Variants in ETV5 observed in about 807,000 individuals in gnomAD.
ETV5 encodes the protein ETS translocation variant 5.
ETV5 carries 10 observed loss-of-function variants against 70.0 expected under a neutral mutation model. That is an observed-to-expected ratio of 0.14 (90% confidence interval 0.09 to 0.24). The LOEUF (loss-of-function observed/expected upper bound fraction) is 0.24, where lower values mean the gene tolerates loss of function less well. ETV5 is among the 10% of genes least tolerant of loss of function. ETV5 has a pLI of 1.00. For missense variants in ETV5, 453 were observed against 651.2 expected, an observed-to-expected ratio of 0.70 and a Z score of 3.31; for synonymous variants, 216 against 242.2, an observed-to-expected ratio of 0.89 and a Z score of 1.01.
intron 11 of ETV5, among the ~76,000 whole-genome samples, chr3:186,053,456 A>G (rs1347181437): frequency 1.3e-5 from 2 of 152,256 alleles, no homozygotes; most frequent in Non-Finnish European, 1.5e-5. Context: ...CAGAGAGAAA[A>G]CAGCATTTCA....
At chr3:186,050,971 T>A (rs763650943) in intron 12 of ETV5, among the ~76,000 whole-genome samples, 1 of 152,244 alleles carries the variant, frequency 6.6e-6, no homozygotes, top group African/African-American at 2.4e-5. Flanking sequence ...TGTACATGCA[T>A]GTAACATGTA....
intron 12 of ETV5, among the ~76,000 whole-genome samples, chr3:186,049,173 TCCAAAAAGGTTTAAGGACTGA>T (rs1306971520): frequency 6.6e-6 from 1 of 152,196 alleles, no homozygotes; most frequent in Non-Finnish European, 1.5e-5. Flanking sequence ...AGTCTGGTGT[TCCAAAAAGGTTTAAGGACTGA>T]CAGGTGCAAG....
chr3:186,102,888 T>TC (rs1714494505), intron 5 of ETV5, among the ~76,000 whole-genome samples: 1 of 152,188 alleles, frequency 6.6e-6, no homozygotes, highest in Non-Finnish European at 1.5e-5. Context: ...TGCCAGCTCC[T>TC]CCTCATGCTT....
chr3:186,067,841 A>G (rs1713489426), intron 7 of ETV5, among the ~76,000 whole-genome samples: 1 of 152,210 alleles, frequency 6.6e-6, no homozygotes, highest in Non-Finnish European at 1.5e-5. Flanking sequence ...AAACACCAGA[A>G]ACAAAACCAA....
chr3:186,046,491 A>G lies in ETV5; in HGVS notation c.*2148T>C. The G allele has an allele frequency of 4.3e-6, 1 of 231,346 alleles. No homozygotes were observed. Among genetic ancestry groups the G allele is most frequent in the Non-Finnish European group, 8.6e-6 (1 of 116,850 alleles). 14.3% of individuals were successfully genotyped at this position (231,346 alleles called of 1,614,324 possible). On this transcript the variant is annotated 3_prime_UTR_variant, in exon 13 of 13. Coordinates refer to ENST00000306376, the MANE Select transcript of ETV5 (RefSeq NM_004454.3). ...AAAAGAAGCAAACAAACAAACCCCA[A>G]AGAACCCCCGAAAAAAACAAAAACC...
intron 12 of ETV5, among the ~76,000 whole-genome samples, chr3:186,049,353 C>CT (rs1712966147): frequency 6.6e-6 from 1 of 152,210 alleles, no homozygotes; most frequent in South Asian, 2.1e-4. Flanking sequence ...TTGCTTTTGG[C>CT]TTACCTGCAG....
At chr3:186,077,022 G>A (rs556334638) in intron 7 of ETV5, among the ~76,000 whole-genome samples, 5 of 152,290 alleles carry the variant, frequency 3.3e-5, no homozygotes, top group Admixed American at 1.3e-4. Context: ...GTAATTACAC[G>A]TCATGGAAGT....
chr3:186,101,545 G>A (rs1436142527), intron 5 of ETV5, among the ~76,000 whole-genome samples: 1 of 152,098 alleles, frequency 6.6e-6, no homozygotes, highest in Admixed American at 6.5e-5. Flanking sequence ...AACTTTCTCA[G>A]GATCATAGAA....
At chr3:186,083,512 A>T (rs1713981620) in intron 5 of ETV5, among the ~76,000 whole-genome samples, 1 of 152,148 alleles carries the variant, frequency 6.6e-6, no homozygotes, top group Admixed American at 6.5e-5. Flanking sequence ...AACACTTTGT[A>T]TTTGTTTCAG....
intron 5 of ETV5, among the ~76,000 whole-genome samples, chr3:186,097,158 G>A (rs1714325054): frequency 6.6e-6 from 1 of 152,186 alleles, no homozygotes; most frequent in Non-Finnish European, 1.5e-5. Context: ...TTCCAAGGAT[G>A]TTCATTTTGG....
At chr3:186,097,783 A>G (rs1190308882) in intron 5 of ETV5, among the ~76,000 whole-genome samples, 2 of 152,198 alleles carry the variant, frequency 1.3e-5, no homozygotes, top group Non-Finnish European at 2.9e-5. Flanking sequence ...GCCAAAGGAA[A>G]CTAATTTTGG....
At chr3:186,081,264 T>A in intron 5 of ETV5, 89 bp from the exon 6 acceptor site, 1 of 1,323,504 alleles carries the variant, frequency 7.6e-7, no homozygotes, top group Non-Finnish European at 1.0e-6. Flanking sequence ...ACCTTCTAAC[T>A]AGCTGATTGT....
At chr3:186,060,310 A>ATAT (rs1447928084) in intron 9 of ETV5, among the ~76,000 whole-genome samples, 3 of 152,212 alleles carry the variant, frequency 2.0e-5, no homozygotes, top group Non-Finnish European at 2.9e-5. Context: ...AAGAAGTATC[A>ATAT]CTGCGGTGTA....
At chr3:186,092,622 C>T (rs1243054807) in intron 5 of ETV5, among the ~76,000 whole-genome samples, 4 of 151,332 alleles carry the variant, frequency 2.6e-5, no homozygotes, top group Admixed American at 6.6e-5. Flanking sequence ...TTTAAAGAGA[C>T]GGGGTCTCAC....
chr3:186,095,330 T>C (rs891499347), intron 5 of ETV5: 9 of 152,058 alleles, frequency 5.9e-5, no homozygotes, highest in Admixed American at 3.9e-4. Flanking sequence ...GGAAAAAAAA[T>C]TGCAAAACTA....
chr3:186,108,912 C>A (rs1355984960), intron 1 of ETV5, 28 bp downstream of exon 1: 2 of 165,440 alleles, frequency 1.2e-5, no homozygotes, highest in Admixed American at 6.3e-5. Context: ...CTTCCGATCT[C>A]CCCCCTGCCC....
At chr3:186,068,085 G>A (rs139286659) in intron 7 of ETV5, among the ~76,000 whole-genome samples, 32 of 152,322 alleles carry the variant, frequency 2.1e-4, no homozygotes, top group African/African-American at 7.5e-4. Context: ...TGGAAGATGA[G>A]CAGGCAGTTA....
intron 5 of ETV5, among the ~76,000 whole-genome samples, chr3:186,086,315 G>A (rs906404351): frequency 2.0e-5 from 3 of 152,184 alleles, no homozygotes; most frequent in Non-Finnish European, 4.4e-5. Flanking sequence ...CAATTTCATA[G>A]TTGCTTTTCT....
chr3:186,098,283 C>T (rs1307385536), intron 5 of ETV5, among the ~76,000 whole-genome samples: 1 of 152,202 alleles, frequency 6.6e-6, no homozygotes, highest in African/African-American at 2.4e-5. Flanking sequence ...AAACAGACTT[C>T]AGTGGTATTT....
Sources: gnomAD v4.1 joint callset for allele counts (sites outside exome capture counted in the v4.1 genomes callset) on GRCh38, gnomAD v4.1.1 for gene constraint, MANE v1.5 for transcripts, NCBI Gene and HGNC (gene_info 2026-07-23, HGNC 2026-07-21) for gene names.